Variants in ADGRG4 observed in about 807,000 individuals in gnomAD.
ADGRG4 encodes G protein-coupled receptor 112.
ADGRG4 carries 122 observed loss-of-function variants against 126.2 expected under a neutral mutation model. That is an observed-to-expected ratio of 0.97 (90% CI 0.83 to 1.12). The LOEUF (loss-of-function observed/expected upper bound fraction) is 1.12. Ranked by LOEUF, ADGRG4 falls within the 50% of genes most tolerant of loss-of-function variation. The pLI is 0.00. For missense variants in ADGRG4, 2,481 were observed against 2,251.8 expected, an observed-to-expected ratio of 1.10 and a Z score of -2.06; for synonymous variants, 943 against 838.7, an observed-to-expected ratio of 1.12 and a Z score of -2.15.
chrX:136,369,199 G>A (rs2075178099), intron 13 of ADGRG4, among the ~76,000 whole-genome samples: 1 of 112,553 alleles, frequency 8.9e-6, no homozygotes, highest in Non-Finnish European at 1.9e-5. Flanking sequence ...ATACATTGTT[G>A]CTTTAAGCCA....
intron 13 of ADGRG4, among the ~76,000 whole-genome samples, chrX:136,366,638 A>G (rs2075160241): frequency 8.9e-6 from 1 of 112,211 alleles, no homozygotes; most frequent in South Asian, 3.7e-4. Context: ...TGGCTGTACC[A>G]TTTTGCATTC....
chrX:136,341,052 C>T (rs886951625), intron 5 of ADGRG4, among the ~76,000 whole-genome samples: 1 of 111,810 alleles, frequency 8.9e-6, no homozygotes, highest in Non-Finnish European at 1.9e-5. Context: ...TAAAATGCCA[C>T]CTGCTTGGCA....
intron 21 of ADGRG4, among the ~76,000 whole-genome samples, chrX:136,401,705 G>A (rs2075380208): frequency 1.8e-5 from 2 of 112,201 alleles, no homozygotes; most frequent in African/African-American, 6.5e-5. Flanking sequence ...AAAACAAAGG[G>A]AATGGATGAC....
Position 136,372,551 on chromosome X carries a change from C to A in ADGRG4, c.7614-351C>A, listed in dbSNP as rs913306740. Among the ~76,000 whole-genome samples, 5 of 111,957 alleles carry A rather than the reference C, an allele frequency of 4.5e-5. No individual in the cohort carries two copies. The Admixed American group carries it at 4.7e-4, about 11-fold the overall frequency. ...TACACGTAGAATAAAATCCAAATGT[C>A]TTATAAAGTCCTACGAGGCCCTGCA... On this transcript the variant is annotated intron_variant, in intron 14 of 25. Transcript: ENST00000394143.
In ADGRG4 at chrX:136,349,923, C is replaced by A. The variant is rs371661996; in HGVS notation, c.6217C>A (p.Pro2073Thr). The part of the protein sequence containing the change: ...TMSTILTRTI[P>T]TPTLGGITTG... ...GAGCACCATACTCACCCGAACCATT[C>A]CTACACCTACACTGGGTGGTATCAC... is the stretch of plus-strand genomic sequence containing the variant. The change falls in exon 6 of 26, where the codon CCT (proline) becomes ACT (threonine). Residue 2073 changes from proline (P) to threonine (T), a missense_variant. Physicochemically the swap from Pro to Thr is conservative, Grantham distance 38. Coordinates refer to ENST00000394143, the MANE Select transcript of ADGRG4 (RefSeq NM_153834.4). The A allele has an allele frequency of 1.2e-4, 145 of 1,208,717 alleles. No individual in the cohort carries two copies. The highest frequency in any genetic ancestry group is 1.6e-4 in the Non-Finnish European group (144 of 894,482).
chrX:136,382,884 C>T (rs943687658), intron 15 of ADGRG4, among the ~76,000 whole-genome samples: 1 of 110,344 alleles, frequency 9.1e-6, no homozygotes, highest in African/African-American at 3.3e-5. Context: ...GCGTTCCTCC[C>T]TCTGGAACTA....
chrX:136,308,021 C>T (rs1335286376), intron 3 of ADGRG4, among the ~76,000 whole-genome samples: 1 of 113,028 alleles, frequency 8.8e-6, no homozygotes, highest in Non-Finnish European at 1.9e-5. Flanking sequence ...CATAACATTC[C>T]TTCAAGAAAT....
At chrX:136,382,102 A>G (rs929267833) in intron 15 of ADGRG4, among the ~76,000 whole-genome samples, 2 of 111,426 alleles carry the variant, frequency 1.8e-5, no homozygotes, top group Non-Finnish European at 3.8e-5. Flanking sequence ...AGTATTAACC[A>G]TCACAAGTCC....
At chrX:136,319,833 C>T (rs1466961305) in intron 4 of ADGRG4, among the ~76,000 whole-genome samples, 15 of 110,605 alleles carry the variant, frequency 1.4e-4, no homozygotes. Context: ...TCTATCCATC[C>T]ACCCATCCAT....
intron 25 of ADGRG4, among the ~76,000 whole-genome samples, chrX:136,414,993 A>G (rs2075468429): frequency 1.8e-5 from 2 of 112,783 alleles, no homozygotes; most frequent in Admixed American, 9.3e-5. Flanking sequence ...GGATTGGCCT[A>G]CAGGCTTAAA....
chrX:136,397,491 C>CTTTTTTTTTTTTTTTTTT (rs1184936316), intron 19 of ADGRG4, among the ~76,000 whole-genome samples: 2 of 50,568 alleles, frequency 4.0e-5, no homozygotes, highest in African/African-American at 7.4e-5. Flanking sequence ...AGGAAAAGGA[C>CTTTTTTTTTTTTTTTTTT]TTTTTTTTTT....
chrX:136,342,879 AGTGTGTGTGTGT>A (rs58303622), intron 5 of ADGRG4, among the ~76,000 whole-genome samples: 24 of 87,376 alleles, frequency 2.7e-4, no homozygotes, highest in South Asian at 6.3e-4. Context: ...AAGAGAGCTC[AGTGTGTGTGTGT>A]GTGTGTGTGT....
At chrX:136,404,026 T>A (rs1005280375) in intron 22 of ADGRG4, among the ~76,000 whole-genome samples, 1 of 111,071 alleles carries the variant, frequency 9.0e-6, no homozygotes, top group African/African-American at 3.3e-5. Flanking sequence ...CCATTCTTTT[T>A]ATCATTGCCT....
Position 136,346,132 on chromosome X carries a change from C to A in ADGRG4, c.2426C>A (p.Thr809Lys). Reference sequence around the variant, plus strand: ...ACTGAGGAAAGTGCTTCTGAGACCACACAAACAGAAATAAATGGTGCAATT... The same window carrying A: ...ACTGAGGAAAGTGCTTCTGAGACCAAACAAACAGAAATAAATGGTGCAATT... ...FSTEESASET[T>K]QTEINGAIVF... The change falls in exon 6 of 26, where the codon ACA becomes AAA. Residue 809 changes from threonine to lysine, a missense_variant. Thr to Lys is a moderately conservative substitution (Grantham distance 78). Transcript: ENST00000394143. 3 of 1,209,539 alleles carry A rather than the reference C, an allele frequency of 2.5e-6. No individual in the cohort carries two copies. Among genetic ancestry groups the A allele is most frequent in the Non-Finnish European group, 3.4e-6 (3 of 894,071 alleles).
At chrX:136,312,717 A>G (rs758062525) in intron 4 of ADGRG4, among the ~76,000 whole-genome samples, 12 of 112,207 alleles carry the variant, frequency 1.1e-4, no homozygotes, top group Non-Finnish European at 1.9e-4. Flanking sequence ...ATACAATTCA[A>G]TGGTTTTCAG....
At chrX:136,416,327 C>T (rs1051748607) in intron 25 of ADGRG4, 127 bp from the exon 26 acceptor site, 1 of 489,539 alleles carries the variant, frequency 2.0e-6, no homozygotes, top group African/African-American at 2.4e-5. Context: ...AAAGAAAGCA[C>T]CATATCCTTC....
intron 5 of ADGRG4, among the ~76,000 whole-genome samples, chrX:136,329,554 T>A (rs1045157285): frequency 3.3e-4 from 37 of 112,323 alleles, no homozygotes; most frequent in African/African-American, 1.2e-3. Flanking sequence ...AAAGTGAATA[T>A]GGCAAATCAT....
intron 24 of ADGRG4, 133 bp downstream of exon 24, chrX:136,412,499 G>T (rs2075451653): frequency 6.3e-6 from 3 of 477,779 alleles, no homozygotes; most frequent in Non-Finnish European, 1.1e-5. Flanking sequence ...TCATAAAAAT[G>T]ATTTGTGCTT....
chrX:136,376,302 C>A (rs1337806582), intron 15 of ADGRG4, among the ~76,000 whole-genome samples: 1 of 111,993 alleles, frequency 8.9e-6, no homozygotes, highest in African/African-American at 3.2e-5. Flanking sequence ...GTAACTATAG[C>A]CTTGCAGTAT....
Sources: allele counts gnomAD v4.1 joint callset (sites outside exome capture counted in the v4.1 genomes callset), GRCh38; gene constraint gnomAD v4.1.1; transcripts MANE v1.5; gene names NCBI Gene and HGNC (gene_info 2026-07-23, HGNC 2026-07-21).